The following ZAN variants were observed in gnomAD, a reference collection of about 807,000 sequenced individuals.
The protein encoded by ZAN is zonadhesin (gene/pseudogene).
Under a neutral mutation model 286.2 loss-of-function variants are expected in ZAN, and 260 were observed. The ratio of observed to expected loss-of-function variants is 0.91; its 90% CI spans 0.82 to 1.01. The LOEUF is 1.01. Ranked by LOEUF, ZAN falls within the 50% of genes least tolerant of loss-of-function variation. ZAN has a pLI of 0.00. For synonymous variants in ZAN, 1,368 were observed against 1,417.5 expected, an observed-to-expected ratio of 0.97 and a Z score of 0.79; for missense variants, 3,410 against 3,639.2, an observed-to-expected ratio of 0.94 and a Z score of 1.62.
intron 36 of ZAN, among the ~76,000 whole-genome samples, chr7:100,785,487 TC>T (rs1188799195): frequency 6.6e-6 from 1 of 151,980 alleles, no homozygotes; most frequent in Non-Finnish European, 1.5e-5. Context: ...CGCCTTGGCC[TC>T]CCAAAGTACT....
In ZAN at chr7:100,753,025, G is replaced by A. The variant is rs371241253; in HGVS notation, c.2920G>A (p.Glu974Lys). The A allele has an allele frequency of 5.6e-6, 9 of 1,608,608 alleles. No individual in the cohort carries two copies. In the African/African-American group the frequency reaches 8.0e-5, roughly 14 times the overall value. Residue 974 changes from glutamate to lysine, a missense_variant, in exon 14 of 48, where the codon GAA becomes AAA. Physicochemically the swap from Glu to Lys is moderately conservative, Grantham distance 56. Transcript: ENST00000613979. Reference protein sequence around the residue: ...ISTEKPTIPTEKLTIPTEKPT... With the variant: ...ISTEKPTIPTKKLTIPTEKPT... ...CACGGAAAAACCCACCATCCCCACGGAAAAACTTACCATCCCCACGGAAAA... is the reference window on the plus strand; with the variant it reads ...CACGGAAAAACCCACCATCCCCACGAAAAAACTTACCATCCCCACGGAAAA...
At chr7:100,795,971 C>T (rs1346205839) in intron 45 of ZAN, among the ~76,000 whole-genome samples, 2 of 151,756 alleles carry the variant, frequency 1.3e-5, no homozygotes, top group Non-Finnish European at 2.9e-5. Flanking sequence ...ATCCCAGCTA[C>T]TCAGAGGCTG....
chr7:100,783,786 A>ACACT (rs1214295934), intron 35 of ZAN, among the ~76,000 whole-genome samples: 2 of 16,762 alleles, frequency 1.2e-4, no homozygotes, highest in Non-Finnish European at 3.8e-4. Flanking sequence ...ATATATATAC[A>ACACT]CATATATATA....
intron 39 of ZAN, 116 bp from the exon 40 acceptor site, chr7:100,790,826 T>A (rs1342247071): frequency 1.7e-6 from 2 of 1,187,572 alleles, no homozygotes; most frequent in Non-Finnish European, 2.3e-6. Context: ...GAGGTTGCAG[T>A]GAGCCAAGAT....
intron 27 of ZAN, among the ~76,000 whole-genome samples, chr7:100,769,395 C>A (rs937878579): frequency 6.6e-5 from 10 of 151,860 alleles, no homozygotes; most frequent in African/African-American, 2.2e-4. Context: ...CACACAGCCC[C>A]CTGTCCACTT....
chr7:100,783,783 T>TATATATACACAC (rs377402352), intron 35 of ZAN, among the ~76,000 whole-genome samples: 56 of 20,480 alleles, frequency 2.7e-3, no homozygotes, highest in African/African-American at 5.2e-3. Context: ...TATATATATA[T>TATATATACACAC]ACACATATAT....
Position 100,735,709 on chromosome 7 carries a change from C to T in ZAN, c.54-11C>T, listed in dbSNP as rs777299548. ...GAGTTGCATTTTTGCTTTCTTCAAA[C>T]GACCCCCAAGGAAAGAGAAGCCTCC... On this transcript the variant is annotated splice_polypyrimidine_tract_variant and intron_variant, in intron 2 of 47. Coordinates refer to ENST00000613979, the MANE Select transcript of ZAN (RefSeq NM_003386.3). 4.7e-5 allele frequency: 71 copies of T among 1,501,654 alleles called. 10 individuals are homozygous for T. Among genetic ancestry groups the T allele is most frequent in the Admixed American group, 2.6e-4 (14 of 54,150 alleles). 93.0% of individuals were successfully genotyped at this position (1,501,654 alleles called of 1,614,324 possible). A position where few individuals can be genotyped will look rare whatever the true frequency, so the allele number is the denominator to read the frequency against.
intron 7 of ZAN, among the ~76,000 whole-genome samples, chr7:100,742,896 G>A (rs556453092): frequency 2.9e-5 from 2 of 68,506 alleles, no homozygotes; most frequent in Admixed American, 1.2e-4. Flanking sequence ...GGAGGGGGAC[G>A]GGGACGATCT....
chr7:100,751,219 CTG>C lies in ZAN; in HGVS notation c.1562_1563del (p.Val521GlyfsTer34). 6.2e-7 allele frequency: 1 copy of C among 1,610,172 alleles called. No individual in the cohort carries two copies. Among genetic ancestry groups the C allele is most frequent in the Non-Finnish European group, 8.5e-7 (1 of 1,178,410 alleles). On this transcript the variant is annotated frameshift_variant, in exon 13 of 48. Transcript: ENST00000613979. LOFTEE classifies it high-confidence loss of function. The stretch of plus-strand genomic sequence containing the variant: ...GGCATCCAGGGAAGCAACACGGCCT[CTG>C]TGGTTGCTATGGGTTTCATCTTGAT...
Position 100,768,598 on chromosome 7 carries a change from T to C in ZAN, c.5042-12T>C. ...GCCCCTTCTTGCCTGTTTTAATGAC[T>C]CCCTCCTCTAGGGAACTACAACAAC... On this transcript the variant is annotated splice_polypyrimidine_tract_variant and intron_variant, in intron 26 of 47. Transcript: ENST00000613979. The C allele has an allele frequency of 1.3e-6, 2 of 1,590,582 alleles. No homozygotes were observed. Among genetic ancestry groups the C allele is most frequent in the Non-Finnish European group, 1.7e-6 (2 of 1,167,642 alleles).
chr7:100,734,745 T>C (rs1807189138), intron 2 of ZAN, among the ~76,000 whole-genome samples: 1 of 139,810 alleles, frequency 7.2e-6, no homozygotes, highest in South Asian at 2.2e-4. Context: ...AGGGCTACAA[T>C]GTGAGAAGGG....
chr7:100,792,426 C>A lies in ZAN; in HGVS notation c.7734C>A (p.Cys2578Ter). ...CCAGGCACTGCGTGCTGGATCTGTG[C>A]TCTGCTCAGGACCCAAGAGAGCAAG... ...PFQEHCVLDL[C>*]SAQDPREQEE... Residue 2578 changes from cysteine (C) to a stop codon, truncating the protein, a stop_gained, in exon 42 of 48, where the codon TGC becomes TGA. Transcript: ENST00000613979. LOFTEE classifies it high-confidence loss of function. 6.2e-7 allele frequency: 1 copy of A among 1,613,404 alleles called. No individual in the cohort carries two copies. The highest frequency in any genetic ancestry group is 8.5e-7 in the Non-Finnish European group (1 of 1,179,592).
At chr7:100,776,888 G>A (rs372712666) in intron 34 of ZAN, among the ~76,000 whole-genome samples, 15 of 136,558 alleles carry the variant, frequency 1.1e-4, no homozygotes, top group African/African-American at 3.5e-4. Flanking sequence ...GCCCGCCACC[G>A]CGCCCGGCTA....
chr7:100,747,514 T>A, intron 8 of ZAN, 36 bp from the exon 9 acceptor site: 1 of 1,597,776 alleles, frequency 6.3e-7, no homozygotes, highest in Non-Finnish European at 8.6e-7. Flanking sequence ...CCAGTCCCCT[T>A]AAGCTCACTT....
intron 35 of ZAN, among the ~76,000 whole-genome samples, chr7:100,783,034 G>A (rs565535900): frequency 5.9e-5 from 9 of 151,946 alleles, no homozygotes; most frequent in South Asian, 2.1e-4. Flanking sequence ...TTGGGAGGCC[G>A]AGGTGGGCGG....
intron 34 of ZAN, among the ~76,000 whole-genome samples, chr7:100,779,059 T>C (rs1480342252): frequency 6.7e-6 from 1 of 150,330 alleles, no homozygotes; most frequent in Non-Finnish European, 1.5e-5. Flanking sequence ...AAAAATTAGC[T>C]AGGCATGGTG....
Position 100,792,994 on chromosome 7 carries a change from A to AG in ZAN, c.7787+515_7787+516insG, listed in dbSNP as rs1554412976. ...CAACATCCTATCTCAAAAAAAAAAA[A>AG]AAAGAAAGAAAGAAAGAAAGAACGA... is the stretch of plus-strand genomic sequence containing the variant. On this transcript the variant is annotated intron_variant, in intron 42 of 47. Coordinates refer to ENST00000613979, the MANE Select transcript of ZAN (RefSeq NM_003386.3). 6.1e-4 allele frequency among the ~76,000 whole-genome samples: 73 copies of AG among 120,236 alleles called. 1 individual carries two copies. Among genetic ancestry groups the AG allele is most frequent in the South Asian group, 2.1e-3 (8 of 3,830 alleles). The allele number at this position is 120,236 out of a possible 152,430, so 78.9% of individuals were successfully genotyped here. A position where few individuals can be genotyped will look rare whatever the true frequency, so the allele number is the denominator to read the frequency against.
At position 100,736,583 on chromosome 7, in the gene ZAN, C is replaced by T. The variant is rs537401214; in HGVS notation, c.207C>T (p.Pro69=). The change falls in exon 4 of 48, where the codon CCC becomes CCT. Residue 69 remains proline (P), a synonymous_variant. Transcript: ENST00000613979. ...DDEDWVRASG[P]SPTGSTGAPG... ...AAGACTGGGTTCGAGCCAGTGGGCCCTCTCCCACCGGCTCCACCGGGGCCC... is the reference window on the plus strand; with the variant it reads ...AAGACTGGGTTCGAGCCAGTGGGCCTTCTCCCACCGGCTCCACCGGGGCCC... 6.6e-7 allele frequency: 1 copy of T among 1,522,960 alleles called. No homozygotes were observed. Among genetic ancestry groups the T allele is most frequent in the Non-Finnish European group, 9.0e-7 (1 of 1,107,432 alleles). 94.3% of individuals were successfully genotyped at this position (1,522,960 alleles called of 1,614,324 possible). A position where few individuals can be genotyped will look rare whatever the true frequency, so the allele number is the denominator to read the frequency against.
intron 37 of ZAN, 77 bp downstream of exon 37, chr7:100,786,218 G>C: frequency 1.3e-6 from 2 of 1,586,976 alleles, no homozygotes; most frequent in South Asian, 2.3e-5. Context: ...GGCAGGGTGG[G>C]AAGGGGCTTA....
Sources: allele counts gnomAD v4.1 joint callset (sites outside exome capture counted in the v4.1 genomes callset), GRCh38; gene constraint gnomAD v4.1.1; transcripts MANE v1.5; gene names NCBI Gene and HGNC (gene_info 2026-07-23, HGNC 2026-07-21).